Variants in PRAME observed in about 807,000 individuals in gnomAD.
The protein encoded by PRAME is melanoma antigen preferentially expressed in tumors.
PRAME carries 21 observed loss-of-function variants against 32.1 expected under a neutral mutation model. The ratio of observed to expected loss-of-function variants is 0.65; its 90% CI spans 0.46 to 0.94. The LOEUF (loss-of-function observed/expected upper bound fraction) is 0.94. PRAME is among the 40% of genes least tolerant of loss of function. The pLI is 0.00. For missense variants in PRAME, 651 were observed against 622.3 expected (o/e 1.05, Z -0.49); for synonymous variants, 274 against 251.5 (o/e 1.09, Z -0.85).
At chr22:22,552,425 G>C (rs900881392) in intron 3 of PRAME, among the ~76,000 whole-genome samples, 4 of 144,198 alleles carry the variant, frequency 2.8e-5, no homozygotes, top group Admixed American at 2.8e-4. Context: ...AAAAAAAGCC[G>C]TTTAAGAAAT....
intron 1 of PRAME, among the ~76,000 whole-genome samples, chr22:22,558,416 G>T (rs1356859921): frequency 9.5e-5 from 3 of 31,514 alleles, no homozygotes; most frequent in Non-Finnish European, 1.2e-4. Context: ...GGGAATGGGG[G>T]AAGGGAAACA....
chr22:22,550,103 G>C lies in PRAME; in HGVS notation c.576C>G (p.Phe192Leu), dbSNP rs558928895. The C allele has an allele frequency of 3.0e-5, 48 of 1,613,890 alleles. 1 individual carries two copies. In the South Asian group the frequency reaches 4.7e-4, roughly 16 times the overall value. ...FLKEGACDEL[F>L]SYLIEKVKRK... ...GCTTCACTTTCTCAATGAGGTAGGAGAACAATTCATCACAGGCACCTTCCT... is the reference window on the plus strand; with the variant it reads ...GCTTCACTTTCTCAATGAGGTAGGACAACAATTCATCACAGGCACCTTCCT... The change falls in exon 5 of 6, where the codon TTC becomes TTG. Residue 192 changes from phenylalanine (F) to leucine (L), a missense_variant. Physicochemically the swap from Phe to Leu is conservative, Grantham distance 22. Coordinates refer to ENST00000405655, the MANE Select transcript of PRAME (RefSeq NM_206956.3).
At chr22:22,553,166 T>TA (rs1203739585) in intron 3 of PRAME, among the ~76,000 whole-genome samples, 2 of 152,088 alleles carry the variant, frequency 1.3e-5, no homozygotes, top group African/African-American at 4.8e-5. Flanking sequence ...AAGATAGCTT[T>TA]ATGAAGAGCA....
chr22:22,554,694 A>G (rs2266983), intron 3 of PRAME, among the ~76,000 whole-genome samples: 98,067 of 151,620 alleles, frequency 0.65, 32,127 homozygotes, highest in East Asian at 0.74. Flanking sequence ...CTCAGCTCCA[A>G]GCAAGCAGGA....
chr22:22,553,897 C>T, intron 3 of PRAME: 1 of 985,154 alleles, frequency 1.0e-6, no homozygotes, highest in Non-Finnish European at 1.2e-6. Flanking sequence ...CAGGCCTTTA[C>T]CACAAACATA....
In PRAME at chr22:22,554,317, G is replaced by A; in HGVS notation, c.21+2495C>T. On this transcript the variant is annotated intron_variant, in intron 3 of 5. Transcript: ENST00000405655. ...GTCTTGCGGCCTGACTTTGTTTACT[G>A]TGGCCTGCGTAAGGAGGCTGTAATT... 14 of 897,940 alleles carry A rather than the reference G, an allele frequency of 1.6e-5. 1 individual carries two copies. The highest frequency in any genetic ancestry group is 1.9e-5 in the Non-Finnish European group (14 of 750,672). 55.6% of individuals were successfully genotyped at this position (897,940 alleles called of 1,614,324 possible).
chr22:22,550,348 C>A lies in PRAME; in HGVS notation c.345-14G>T. 6.2e-7 allele frequency: 1 copy of A among 1,608,564 alleles called. No homozygotes were observed. Among genetic ancestry groups the A allele is most frequent in the Non-Finnish European group, 8.5e-7 (1 of 1,178,400 alleles). On this transcript the variant is annotated splice_polypyrimidine_tract_variant and intron_variant, in intron 4 of 5. Transcript: ENST00000405655. ...AGTTTCCACCTCCTGTGGGGAAAAA[C>A]AGGTAATTAGCTGAGATGATGCTTT...
rs1360244226 is a variant in PRAME, at chr22:22,550,047, T to C, written c.632A>G (p.Lys211Arg). 6.2e-7 allele frequency: 1 copy of C among 1,613,902 alleles called. No homozygotes were observed. Among genetic ancestry groups the C allele is most frequent in the Admixed American group, 1.7e-5 (1 of 59,988 alleles). ...GGGCATTGCAAAAATCTTCAGCTTC[T>C]TACAGCACAGGCGTAGTACATTTTT... The part of the protein sequence containing the change: ...RKKNVLRLCC[K>R]KLKIFAMPMQ... The change falls in exon 5 of 6, where the codon AAG (lysine) becomes AGG (arginine). Residue 211 changes from lysine (K) to arginine (R), a missense_variant. Transcript: ENST00000405655.
At chr22:22,555,667 C>T (rs1420252035) in intron 3 of PRAME, among the ~76,000 whole-genome samples, 1 of 151,932 alleles carries the variant, frequency 6.6e-6, no homozygotes, top group Non-Finnish European at 1.5e-5. Flanking sequence ...ACCAACAGCA[C>T]CCGAGCACGG....
At chr22:22,557,029 A>C in intron 2 of PRAME, 120 bp from the exon 3 acceptor site, 1 of 653,136 alleles carries the variant, frequency 1.5e-6, no homozygotes, top group Non-Finnish European at 2.7e-6. Context: ...TGGCGACTCA[A>C]TCCCGCCCTT....
Position 22,550,060 on chromosome 22 carries a change from G to A in PRAME, c.619C>T (p.Arg207Cys), listed in dbSNP as rs201064885. 2.3e-5 allele frequency: 37 copies of A among 1,613,846 alleles called. 1 individual carries two copies. The highest frequency in any genetic ancestry group is 1.7e-4 in the Middle Eastern group (1 of 6,054). The change falls in exon 5 of 6, where the codon CGC (arginine) becomes TGC (cysteine). Residue 207 changes from arginine to cysteine, a missense_variant. Coordinates refer to ENST00000405655, the MANE Select transcript of PRAME (RefSeq NM_206956.3). ...ATCTTCAGCTTCTTACAGCACAGGC[G>A]TAGTACATTTTTCTTTCGCTTCACT... ...EKVKRKKNVL[R>C]LCCKKLKIFA...
Position 22,550,993 on chromosome 22 carries a change from G to A in PRAME, c.118C>T (p.Leu40=). The A allele has an allele frequency of 1.2e-6, 2 of 1,613,344 alleles. No individual in the cohort carries two copies. The highest frequency in any genetic ancestry group is 1.3e-5 in the African/African-American group (1 of 74,940). ...AGCAACTCCAGGGCGGCAATGGCCAGGGCCTCATCCTTCAGCAGGCTCTGC... is the reference window on the plus strand; with the variant it reads ...AGCAACTCCAGGGCGGCAATGGCCAAGGCCTCATCCTTCAGCAGGCTCTGC... ...AGQSLLKDEA[L]AIAALELLPR... is the part of the protein sequence containing the mutation. The change falls in exon 4 of 6, where the codon CTG becomes TTG. Residue 40 remains leucine (L), a synonymous_variant. Coordinates refer to ENST00000405655, the MANE Select transcript of PRAME (RefSeq NM_206956.3).
intron 3 of PRAME, chr22:22,553,685 A>T: frequency 1.7e-6 from 1 of 578,532 alleles, no homozygotes. Context: ...GGTGGGATAG[A>T]GAGTAATATT....
chr22:22,557,138 C>T, intron 2 of PRAME: 1 of 482,550 alleles, frequency 2.1e-6, no homozygotes, highest in Non-Finnish European at 3.8e-6. Context: ...TCACAAGTGA[C>T]CCCTGTGGTC....
intron 3 of PRAME, among the ~76,000 whole-genome samples, chr22:22,552,093 G>A (rs1243843837): frequency 1.4e-5 from 2 of 147,844 alleles, no homozygotes; most frequent in African/African-American, 5.0e-5. Flanking sequence ...GACCAGCCTG[G>A]GCAACACAAG....
intron 3 of PRAME, chr22:22,552,973 C>CTAAT: frequency 2.1e-6 from 1 of 469,996 alleles, no homozygotes; most frequent in South Asian, 1.6e-5. Flanking sequence ...AGAGCCAAAT[C>CTAAT]TAATTACATT....
chr22:22,550,092 AT>A lies in PRAME; in HGVS notation c.586del (p.Ile196LeufsTer4). On this transcript the variant is annotated frameshift_variant, in exon 5 of 6. Coordinates refer to ENST00000405655, the MANE Select transcript of PRAME (RefSeq NM_206956.3). LOFTEE classifies it high-confidence loss of function. ...ATTTTTCTTTCGCTTCACTTTCTCAATGAGGTAGGAGAACAATTCATCACAG... is the reference window on the plus strand; with the variant it reads ...ATTTTTCTTTCGCTTCACTTTCTCAAGAGGTAGGAGAACAATTCATCACAG... ...GACDELFSYL[I>X]EKVKRKKNVL... The A allele has an allele frequency of 6.2e-7, 1 of 1,613,890 alleles. No individual in the cohort carries two copies. The highest frequency in any genetic ancestry group is 1.1e-5 in the South Asian group (1 of 91,068).
Position 22,556,845 on chromosome 22 carries a change from T to C in PRAME, c.-13A>G. On this transcript the variant is annotated 5_prime_UTR_variant, in exon 3 of 6. Transcript: ENST00000405655. ...GCCTTCGTTCCATTTTGAAGCGACT[T>C]AGGCTGGCCTCAGGACCTCCAACGC... is the stretch of plus-strand genomic sequence containing the variant. The C allele has an allele frequency of 1.2e-6, 2 of 1,612,898 alleles. No homozygotes were observed. Among genetic ancestry groups the C allele is most frequent in the South Asian group, 2.2e-5 (2 of 91,070 alleles).
At chr22:22,557,043 G>C in intron 2 of PRAME, 134 bp from the exon 3 acceptor site, 1 of 624,592 alleles carries the variant, frequency 1.6e-6, no homozygotes, top group Non-Finnish European at 2.8e-6. Context: ...CGCCCTTTCA[G>C]TGCAAATCTC....
Sources: gnomAD v4.1 joint callset for allele counts (sites outside exome capture counted in the v4.1 genomes callset) on GRCh38, gnomAD v4.1.1 for gene constraint, MANE v1.5 for transcripts, NCBI Gene and HGNC (gene_info 2026-07-23, HGNC 2026-07-21) for gene names.